The following ONECUT3 variants were observed in gnomAD, a reference collection of about 807,000 sequenced individuals.
The protein encoded by ONECUT3 is one cut domain family member 3.
A neutral mutation model predicts 16.8 loss-of-function variants in ONECUT3; 11 were observed. The ratio of observed to expected loss-of-function variants is 0.66; its 90% CI spans 0.41 to 1.09. The LOEUF is 1.09. Among genes scored for constraint, ONECUT3 ranks in the 50% least tolerant of loss-of-function variants. The pLI, the probability that ONECUT3 is intolerant of heterozygous loss-of-function variation, is 0.00. For synonymous variants in ONECUT3, 344 were observed against 310.7 expected, an observed-to-expected ratio of 1.11 and a Z score of -1.13; for missense variants, 637 against 629.9, an observed-to-expected ratio of 1.01 and a Z score of -0.12.
At position 1,776,041 on chromosome 19, in the gene ONECUT3, G is replaced by C. The variant is rs1280097146; in HGVS notation, c.*596G>C. 1 of 152,110 alleles carries C rather than the reference G, an allele frequency of 6.6e-6. No homozygotes were observed. Among genetic ancestry groups the C allele is most frequent in the Non-Finnish European group, 1.5e-5 (1 of 68,122 alleles). The allele number at this position is 152,110 out of a possible 1,614,324, so 9.4% of individuals were successfully genotyped here. ...AACCAACCCCACCCGCTGGCAGGAC[G>C]GCCCCTGCGGCCGAGAACTGAGCTG... On this transcript the variant is annotated 3_prime_UTR_variant, in exon 2 of 2. Transcript: ENST00000382349. The surrounding 1 kb of genome is among the most constrained non-coding windows in gnomAD (Gnocchi z 4.9).
rs565219060 is a variant in ONECUT3 at position 1,766,091 on chromosome 19, C to T, written c.1193-9062C>T. ...CCCAGAACTGGAACAGCTTTCCTAA[C>T]GGTCACAGGTTTCTTAGCTTCTCAC... On this transcript the variant is annotated intron_variant, in intron 1 of 1. Coordinates refer to ENST00000382349, the MANE Select transcript of ONECUT3 (RefSeq NM_001080488.2). This position sits in a 1 kb window ranked among gnomAD's most constrained non-coding sequence, Gnocchi z 4.0. Among the ~76,000 whole-genome samples the T allele has an allele frequency of 6.4e-4, 97 of 152,370 alleles. 1 individual carries two copies. The highest frequency in any genetic ancestry group is 7.2e-4 in the Admixed American group (11 of 15,306).
chr19:1,753,747 C>A lies in ONECUT3; in HGVS notation c.85C>A (p.Arg29Ser), dbSNP rs2067900485. The change falls in exon 1 of 2, where the codon CGC (arginine) becomes AGC (serine). Residue 29 changes from arginine to serine, a missense_variant. Arg to Ser is a moderately radical substitution (Grantham distance 110, BLOSUM62 -1). This residue lies in a region of ONECUT3 where 419 missense variants were observed against 377.9 expected (regional missense o/e 1.11). Coordinates refer to ENST00000382349, the MANE Select transcript of ONECUT3 (RefSeq NM_001080488.2). ...AGELLSPGHA[R>S]SAAAQHRGLV... ...CGAGCTGCTGAGCCCGGGCCACGCG[C>A]GCTCGGCGGCGGCGCAGCACCGCGG... is the stretch of plus-strand genomic sequence containing the variant. The A allele has an allele frequency of 1.1e-5, 11 of 1,014,584 alleles. No individual in the cohort carries two copies. Among genetic ancestry groups the A allele is most frequent in the Non-Finnish European group, 1.3e-5 (11 of 850,896 alleles). The allele number at this position is 1,014,584 out of a possible 1,614,324, so 62.8% of individuals were successfully genotyped here.
rs1179053961 is a variant in ONECUT3, at chr19:1,759,678, C to G, written c.1192+4824C>G. On this transcript the variant is annotated intron_variant, in intron 1 of 1. Transcript: ENST00000382349. This position sits in a 1 kb window ranked among gnomAD's most constrained non-coding sequence, Gnocchi z 4.1. ...TTGGGGGCTTGGAGACCCGGGCCTT[C>G]CCTGGGCTCTGTCCCTGGCTGATCC... is the stretch of plus-strand genomic sequence containing the variant. Among the ~76,000 whole-genome samples the G allele has an allele frequency of 6.6e-6, 1 of 152,218 alleles. No individual in the cohort carries two copies. The highest frequency in any genetic ancestry group is 1.5e-5 in the Non-Finnish European group (1 of 68,050).
chr19:1,754,373 CA>C lies in ONECUT3; in HGVS notation c.713del (p.Lys238SerfsTer97). On this transcript the variant is annotated frameshift_variant, in exon 1 of 2. Coordinates refer to ENST00000382349, the MANE Select transcript of ONECUT3 (RefSeq NM_001080488.2). LOFTEE classifies it high-confidence loss of function. The surrounding 1 kb of genome is among the most constrained non-coding windows in gnomAD (Gnocchi z 7.4). ...YGPPGHLAGDKLLPPAAFEPH... is the reference protein window; with the variant it reads ...YGPPGHLAGDXLLPPAAFEPH... ...GCCCGCCAGGCCACCTGGCTGGGGACAAGCTGCTGCCGCCCGCCGCCTTCGA... is the reference window on the plus strand; with the variant it reads ...GCCCGCCAGGCCACCTGGCTGGGGACAGCTGCTGCCGCCCGCCGCCTTCGA... 9.1e-7 allele frequency: 1 copy of C among 1,103,934 alleles called. No homozygotes were observed. Among genetic ancestry groups the C allele is most frequent in the Non-Finnish European group, 1.1e-6 (1 of 898,342 alleles). The allele number at this position is 1,103,934 out of a possible 1,614,324, so 68.4% of individuals were successfully genotyped here. A position where few individuals can be genotyped will look rare whatever the true frequency, so the allele number is the denominator to read the frequency against.
rs989043362 is a variant in ONECUT3, at chr19:1,755,445, C to T, written c.1192+591C>T. 2.6e-5 allele frequency among the ~76,000 whole-genome samples: 4 copies of T among 152,094 alleles called. No individual in the cohort carries two copies. Among genetic ancestry groups the T allele is most frequent in the Non-Finnish European group, 4.4e-5 (3 of 67,998 alleles). On this transcript the variant is annotated intron_variant, in intron 1 of 1. Transcript: ENST00000382349. This position sits in a 1 kb window ranked among gnomAD's most constrained non-coding sequence, Gnocchi z 7.5. Reference sequence around the variant, plus strand: ...GTAGTTCGGCCCCGCGATCGATACCCCCTCCCTCTCCCCTCCGGCCGCTGG... The same window carrying T: ...GTAGTTCGGCCCCGCGATCGATACCTCCTCCCTCTCCCCTCCGGCCGCTGG...
chr19:1,770,800 T>G (rs4807957), intron 1 of ONECUT3, among the ~76,000 whole-genome samples: 1 of 151,974 alleles, frequency 6.6e-6, no homozygotes, highest in Non-Finnish European at 1.5e-5. Context: ...TGTTTCTTTA[T>G]GCAGATAAAA....
In ONECUT3 at chr19:1,754,650, A is replaced by G. The variant is rs985947470; in HGVS notation, c.988A>G (p.Ile330Val). ...EINTKEVAQR[I>V]TAELKRYSIP... is the part of the protein sequence containing the mutation. ...CAACACCAAGGAGGTGGCGCAGCGC[A>G]TCACGGCGGAGCTGAAGCGCTACAG... is the stretch of plus-strand genomic sequence containing the variant. Residue 330 changes from isoleucine to valine, a missense_variant, in exon 1 of 2, where the codon ATC (isoleucine) becomes GTC (valine). Coordinates refer to ENST00000382349, the MANE Select transcript of ONECUT3 (RefSeq NM_001080488.2). This position sits in a 1 kb window ranked among gnomAD's most constrained non-coding sequence, Gnocchi z 7.4. 2.9e-5 allele frequency: 44 copies of G among 1,511,578 alleles called. No individual in the cohort carries two copies. Among genetic ancestry groups the G allele is most frequent in the Non-Finnish European group, 3.8e-5 (43 of 1,130,872 alleles). 93.6% of individuals were successfully genotyped at this position (1,511,578 alleles called of 1,614,324 possible).
chr19:1,753,623 C>T lies in ONECUT3; in HGVS notation c.-40C>T. ...ATGCAGCGGCCTTGAGCACTAGGGG[C>T]CGGCGCTGAGGAGCGCGCGCGGCGG... On this transcript the variant is annotated 5_prime_UTR_variant, in exon 1 of 2. Coordinates refer to ENST00000382349, the MANE Select transcript of ONECUT3 (RefSeq NM_001080488.2). 4 of 849,334 alleles carry T rather than the reference C, an allele frequency of 4.7e-6. No homozygotes were observed. The highest frequency in any genetic ancestry group is 1.8e-5 in the African/African-American group (1 of 54,378). The allele number at this position is 849,334 out of a possible 1,614,324, so 52.6% of individuals were successfully genotyped here.
At position 1,759,762 on chromosome 19, in the gene ONECUT3, C is replaced by T. The variant is rs773800058; in HGVS notation, c.1192+4908C>T. Reference sequence around the variant, plus strand: ...CTGAGAAATGGGCAGAATGAAATGACGCCTAGGAGAGGGGGTATGAGGGGC... The same window carrying T: ...CTGAGAAATGGGCAGAATGAAATGATGCCTAGGAGAGGGGGTATGAGGGGC... On this transcript the variant is annotated intron_variant, in intron 1 of 1. Coordinates refer to ENST00000382349, the MANE Select transcript of ONECUT3 (RefSeq NM_001080488.2). This position sits in a 1 kb window ranked among gnomAD's most constrained non-coding sequence, Gnocchi z 4.1. Among the ~76,000 whole-genome samples the T allele has an allele frequency of 2.6e-5, 4 of 151,980 alleles. No homozygotes were observed. The highest frequency in any genetic ancestry group is 4.4e-5 in the Non-Finnish European group (3 of 68,024).
intron 1 of ONECUT3, among the ~76,000 whole-genome samples, chr19:1,761,317 T>G (rs1452934232): frequency 6.6e-6 from 1 of 152,122 alleles, no homozygotes; most frequent in East Asian, 1.9e-4. Context: ...CCACCCAAAG[T>G]GCTGGGATGA....
At chr19:1,761,509 G>A (rs1415471497) in intron 1 of ONECUT3, among the ~76,000 whole-genome samples, 1 of 152,228 alleles carries the variant, frequency 6.6e-6, no homozygotes, top group Non-Finnish European at 1.5e-5. Context: ...CCTGACCCTG[G>A]CCTCCTGCGT....
intron 1 of ONECUT3, among the ~76,000 whole-genome samples, chr19:1,760,753 C>A (rs2067942423): frequency 6.6e-6 from 1 of 152,136 alleles, no homozygotes; most frequent in African/African-American, 2.4e-5. Flanking sequence ...CCCCTCCCAA[C>A]GCCAGCCTCG....
Position 1,753,670 on chromosome 19 carries a change from T to C in ONECUT3, c.8T>C (p.Leu3Pro). ME[L>P]SLESLGGLHS... ...GCGGGAGGGCAGCCGAGCATGGAGCTGAGCCTGGAGAGCCTGGGGGGCCTG... is the reference window on the plus strand; with the variant it reads ...GCGGGAGGGCAGCCGAGCATGGAGCCGAGCCTGGAGAGCCTGGGGGGCCTG... Residue 3 changes from leucine (L) to proline (P), a missense_variant, in exon 1 of 2, where the codon CTG becomes CCG. This residue lies in a region of ONECUT3 where 419 missense variants were observed against 377.9 expected (regional missense o/e 1.11). Coordinates refer to ENST00000382349, the MANE Select transcript of ONECUT3 (RefSeq NM_001080488.2). The C allele has an allele frequency of 4.8e-6, 5 of 1,050,000 alleles. No individual in the cohort carries two copies. Among genetic ancestry groups the C allele is most frequent in the Non-Finnish European group, 4.6e-6 (4 of 872,886 alleles). The allele number at this position is 1,050,000 out of a possible 1,614,324, so 65.0% of individuals were successfully genotyped here.
chr19:1,758,968 G>A lies in ONECUT3; in HGVS notation c.1192+4114G>A, dbSNP rs1322769736. On this transcript the variant is annotated intron_variant, in intron 1 of 1. Transcript: ENST00000382349. The surrounding 1 kb of genome is among the most constrained non-coding windows in gnomAD (Gnocchi z 5.9). The stretch of plus-strand genomic sequence containing the variant: ...AGATAATACAAAGTTAGATGGAGGT[G>A]GTTGAAAGAAGGGCCTCATCTCCTC... Among the ~76,000 whole-genome samples the A allele has an allele frequency of 2.0e-5, 3 of 152,162 alleles. No individual in the cohort carries two copies. The highest frequency in any genetic ancestry group is 4.8e-5 in the African/African-American group (2 of 41,440).
chr19:1,754,330 C>T lies in ONECUT3; in HGVS notation c.668C>T (p.Pro223Leu), dbSNP rs1424603177. The stretch of plus-strand genomic sequence containing the variant: ...CAGCCCCCGCCGCCGCCACCACCCC[C>T]GCCGCTGGCCGCCTACGGCCCGCCA... ...APQPPPPPPP[P>L]PLAAYGPPGH... Residue 223 changes from proline to leucine, a missense_variant, in exon 1 of 2, where the codon CCG becomes CTG. Pro to Leu is a moderately conservative substitution (Grantham distance 98). Transcript: ENST00000382349. The surrounding 1 kb of genome is among the most constrained non-coding windows in gnomAD (Gnocchi z 7.4). 2.8e-6 allele frequency: 3 copies of T among 1,060,580 alleles called. No individual in the cohort carries two copies. Among genetic ancestry groups the T allele is most frequent in the East Asian group, 8.4e-5 (1 of 11,854 alleles). 65.7% of individuals were successfully genotyped at this position (1,060,580 alleles called of 1,614,324 possible). A position where few individuals can be genotyped will look rare whatever the true frequency, so the allele number is the denominator to read the frequency against.
intron 1 of ONECUT3, among the ~76,000 whole-genome samples, chr19:1,771,122 C>T (rs2068050572): frequency 6.6e-6 from 1 of 152,168 alleles, no homozygotes; most frequent in Non-Finnish European, 1.5e-5. Context: ...CCACGCTCCC[C>T]AACAAAATTT....
At position 1,759,100 on chromosome 19, in the gene ONECUT3, A is replaced by G. The variant is rs2067932952; in HGVS notation, c.1192+4246A>G. ...GACCCCCCACCCCCACCCCAGGTGGATGGGATGCTTTGCCCTTAAGCAGAA... is the reference window on the plus strand; with the variant it reads ...GACCCCCCACCCCCACCCCAGGTGGGTGGGATGCTTTGCCCTTAAGCAGAA... On this transcript the variant is annotated intron_variant, in intron 1 of 1. Coordinates refer to ENST00000382349, the MANE Select transcript of ONECUT3 (RefSeq NM_001080488.2). The surrounding 1 kb of genome is among the most constrained non-coding windows in gnomAD (Gnocchi z 4.1). Among the ~76,000 whole-genome samples the G allele has an allele frequency of 6.6e-6, 1 of 151,916 alleles. No homozygotes were observed. Among genetic ancestry groups the G allele is most frequent in the African/African-American group, 2.4e-5 (1 of 41,368 alleles).
intron 1 of ONECUT3, among the ~76,000 whole-genome samples, chr19:1,767,873 G>A (rs2068007422): frequency 2.0e-5 from 3 of 151,986 alleles, no homozygotes; most frequent in Admixed American, 6.5e-5. Context: ...TGGGGTCTCC[G>A]TCTCTTCTAG....
Position 1,776,454 on chromosome 19 carries a change from C to T in ONECUT3, c.*1009C>T, listed in dbSNP as rs1233900113. On this transcript the variant is annotated 3_prime_UTR_variant, in exon 2 of 2. Coordinates refer to ENST00000382349, the MANE Select transcript of ONECUT3 (RefSeq NM_001080488.2). The surrounding 1 kb of genome is among the most constrained non-coding windows in gnomAD (Gnocchi z 4.9). Reference sequence around the variant, plus strand: ...GGAATCCACCGCCCCCCTTTCCGCCCGCGTCAGGGTCTGAACTGGGCTTGC... The same window carrying T: ...GGAATCCACCGCCCCCCTTTCCGCCTGCGTCAGGGTCTGAACTGGGCTTGC... The T allele has an allele frequency of 2.0e-5, 3 of 152,246 alleles. No individual in the cohort carries two copies. Among genetic ancestry groups the T allele is most frequent in the African/African-American group, 4.8e-5 (2 of 41,434 alleles). The allele number at this position is 152,246 out of a possible 1,614,324, so 9.4% of individuals were successfully genotyped here.
Sources: allele counts gnomAD v4.1 joint callset (sites outside exome capture counted in the v4.1 genomes callset), GRCh38; gene constraint gnomAD v4.1.1; regional missense constraint gnomAD v4.1.1; non-coding constraint Gnocchi (gnomAD v3.1); transcripts MANE v1.5; gene names NCBI Gene and HGNC (gene_info 2026-07-23, HGNC 2026-07-21).